Variants in HERC2 observed in about 807,000 individuals in gnomAD.
HERC2 encodes the protein HECT and RLD domain containing E3 ubiquitin protein ligase 2.
HERC2 carries 102 observed loss-of-function variants against 537.7 expected under a neutral mutation model. That is an observed-to-expected ratio of 0.19 (90% confidence interval 0.16 to 0.22). The LOEUF is 0.22. HERC2 is among the 10% of genes least tolerant of loss of function. The pLI is 1.00. For synonymous variants in HERC2, 2,224 were observed against 2,466.2 expected (o/e 0.90, Z 2.91); for missense variants, 4,236 against 6,198.2 (o/e 0.68, Z 10.63).
chr15:28,289,804 T>C (rs1273500158), intron 4 of HERC2, among the ~76,000 whole-genome samples: 3 of 152,196 alleles, frequency 2.0e-5, no homozygotes, highest in African/African-American at 7.2e-5. Context: ...TGCACATCCT[T>C]AATGCTCCTT....
chr15:28,181,977 C>T (rs908365566), intron 57 of HERC2, among the ~76,000 whole-genome samples: 2 of 152,186 alleles, frequency 1.3e-5, no homozygotes, highest in Non-Finnish European at 2.9e-5. Flanking sequence ...AAAGCGTTCT[C>T]TCTCTGTGCA....
chr15:28,306,307 T>TC (rs2076786523), intron 2 of HERC2, among the ~76,000 whole-genome samples: 1 of 152,258 alleles, frequency 6.6e-6, no homozygotes, highest in Admixed American at 6.5e-5. Flanking sequence ...AAATGCCTTT[T>TC]CAGCATGAAT....
In HERC2 at chr15:28,130,224, C is replaced by T. The variant is rs1234417207; in HGVS notation, c.12741G>A (p.Gln4247=). ...VRRPRQVQGL[Q]GKKVIAIATG... is the part of the protein sequence containing the mutation. ...TGGCGATGGCGATGACTTTCTTCCC[C>T]TGCAACCCTTGGACCTGCCGAGGCC... Residue 4247 remains glutamine (Q), a synonymous_variant, in exon 83 of 93, where the codon CAG becomes CAA. Coordinates refer to ENST00000261609, the MANE Select transcript of HERC2 (RefSeq NM_004667.6). The T allele has an allele frequency of 1.2e-6, 2 of 1,614,210 alleles. No homozygotes were observed. Among genetic ancestry groups the T allele is most frequent in the Non-Finnish European group, 1.7e-6 (2 of 1,180,048 alleles).
chr15:28,143,853 T>C lies in HERC2; in HGVS notation c.11418+20A>G, dbSNP rs373954015. 1.9e-4 allele frequency: 307 copies of C among 1,613,536 alleles called. 1 individual carries two copies. Among genetic ancestry groups the C allele is most frequent in the Non-Finnish European group, 4.3e-5 (51 of 1,179,908 alleles). ...CCCCAAGGGTCACAAATCTAGAAAT[T>C]GTACTAGAATGCTCCATACCAAAGC... On this transcript the variant is annotated intron_variant, in intron 74 of 92. Coordinates refer to ENST00000261609, the MANE Select transcript of HERC2 (RefSeq NM_004667.6).
intron 69 of HERC2, among the ~76,000 whole-genome samples, chr15:28,155,185 T>A (rs990972648): frequency 1.3e-5 from 2 of 152,124 alleles, no homozygotes; most frequent in Non-Finnish European, 2.9e-5. Context: ...TTTGGGTTAG[T>A]TCCAAGTCTT....
rs747882830 is a variant in HERC2 at position 28,229,563 on chromosome 15, C to G, written c.5017G>C (p.Asp1673His). 1.5e-5 allele frequency: 24 copies of G among 1,613,140 alleles called. No homozygotes were observed. The Admixed American group carries it at 3.8e-4, about 26-fold the overall frequency. The change falls in exon 33 of 93, where the codon GAT becomes CAT. Residue 1673 changes from aspartate (D) to histidine (H), a missense_variant. Physicochemically the swap from Asp to His is moderately conservative, Grantham distance 81. This residue lies in a region of HERC2 where 343 missense variants were observed against 417.2 expected (regional missense o/e 0.82). Transcript: ENST00000261609. Reference protein sequence around the residue: ...ERAEVRLEGIDTILKLASKNF... With the variant: ...ERAEVRLEGIHTILKLASKNF... ...TTGCTCGCCAGTTTTAAAATTGTAT[C>G]TATCCCTTCCAGGCGAACCTCTGCT...
At position 28,113,995 on chromosome 15, in the gene HERC2, G is replaced by A. The variant is rs746129827; in HGVS notation, c.13914-317C>T. Among the ~76,000 whole-genome samples the A allele has an allele frequency of 3.9e-5, 6 of 152,024 alleles. No individual in the cohort carries two copies. The highest frequency in any genetic ancestry group is 8.8e-5 in the Non-Finnish European group (6 of 68,036). On this transcript the variant is annotated intron_variant, in intron 90 of 92. Transcript: ENST00000261609. This position sits in a 1 kb window ranked among gnomAD's most constrained non-coding sequence, Gnocchi z 7.0. ...CAAGAGGGGAAACACATGTGCATCCGCCCCAGGCCCGAGACACTGTGCTGA... is the reference window on the plus strand; with the variant it reads ...CAAGAGGGGAAACACATGTGCATCCACCCCAGGCCCGAGACACTGTGCTGA...
At chr15:28,143,417 T>A (rs1270041839) in intron 74 of HERC2, among the ~76,000 whole-genome samples, 1 of 152,178 alleles carries the variant, frequency 6.6e-6, no homozygotes, top group Non-Finnish European at 1.5e-5. Context: ...ACGAGAAGTC[T>A]GGATGGGACA....
At chr15:28,188,172 G>C (rs1596165374) in intron 55 of HERC2, among the ~76,000 whole-genome samples, 1 of 152,176 alleles carries the variant, frequency 6.6e-6, no homozygotes. Context: ...AACATCATCT[G>C]AATCAGAAAC....
At chr15:28,166,126 A>C (rs1363078802) in intron 68 of HERC2, among the ~76,000 whole-genome samples, 1 of 152,154 alleles carries the variant, frequency 6.6e-6, no homozygotes, top group Admixed American at 6.5e-5. Flanking sequence ...TGCTTCACCA[A>C]CTCTTCTAAA....
Position 28,186,540 on chromosome 15 carries a change from G to C in HERC2, c.8825+37C>G, listed in dbSNP as rs199522451. ...GAAAGTGAGGATCCAGGAATGTAGC[G>C]GGAGGTAAGTGAGCACCTGTAACAA... On this transcript the variant is annotated intron_variant, in intron 56 of 92. Transcript: ENST00000261609. The C allele has an allele frequency of 1.9e-6, 3 of 1,556,388 alleles. No individual in the cohort carries two copies. In the East Asian group the frequency reaches 6.8e-5, roughly 35 times the overall value.
Position 28,186,708 on chromosome 15 carries a change from T to G in HERC2, c.8694A>C (p.Ser2898=). The G allele has an allele frequency of 6.2e-7, 1 of 1,614,122 alleles. No individual in the cohort carries two copies. Among genetic ancestry groups the G allele is most frequent in the Non-Finnish European group, 8.5e-7 (1 of 1,179,948 alleles). Reference sequence around the variant, plus strand: ...GACCATGGATTTTACAATCGATTCCTGAGCTCCTGCACTGCTTTATAGCAA... The same window carrying G: ...GACCATGGATTTTACAATCGATTCCGGAGCTCCTGCACTGCTTTATAGCAA... The part of the protein sequence containing the change: ...IEIAIKQCRS[S]GIDCKIHGLI... Residue 2898 remains serine (S), a synonymous_variant, in exon 56 of 93, where the codon TCA becomes TCC. Coordinates refer to ENST00000261609, the MANE Select transcript of HERC2 (RefSeq NM_004667.6).
At chr15:28,318,295 AAAC>A (rs1487414379) in intron 2 of HERC2, among the ~76,000 whole-genome samples, 1 of 152,100 alleles carries the variant, frequency 6.6e-6, no homozygotes, top group African/African-American at 2.4e-5. Flanking sequence ...CAGTGAAGGA[AAAC>A]ATGGTGATTC....
intron 44 of HERC2, among the ~76,000 whole-genome samples, chr15:28,208,032 G>A (rs2140390062): frequency 6.6e-6 from 1 of 152,272 alleles, no homozygotes; most frequent in African/African-American, 2.4e-5. Context: ...ACTGCTCATT[G>A]GGCTGAGTGC....
chr15:28,273,043 C>G (rs2075781006), intron 7 of HERC2, 39 bp from the exon 8 acceptor site: 1 of 1,417,916 alleles, frequency 7.1e-7, no homozygotes, highest in Non-Finnish European at 1.0e-6. Flanking sequence ...AAAGCAACCT[C>G]CAGAAAGACA....
At chr15:28,188,261 G>A (rs1454798411) in intron 55 of HERC2, among the ~76,000 whole-genome samples, 1 of 152,144 alleles carries the variant, frequency 6.6e-6, no homozygotes, top group East Asian at 1.9e-4. Flanking sequence ...AGTAATTATT[G>A]GCTGGGCACG....
At chr15:28,126,676 A>C (rs1889524293) in intron 83 of HERC2, among the ~76,000 whole-genome samples, 1 of 152,190 alleles carries the variant, frequency 6.6e-6, no homozygotes, top group Admixed American at 6.5e-5. Context: ...ATGCAACGGC[A>C]TAAGAATGAC....
chr15:28,129,016 A>G (rs550858689), intron 83 of HERC2, among the ~76,000 whole-genome samples: 19 of 152,266 alleles, frequency 1.2e-4, no homozygotes, highest in South Asian at 8.3e-4. Flanking sequence ...TTTCTGATCA[A>G]AGGGTCTGTG....
chr15:28,224,134 TACACACACACACACCC>T (rs887232172), intron 35 of HERC2, among the ~76,000 whole-genome samples: 4 of 5,758 alleles, frequency 6.9e-4, no homozygotes, highest in African/African-American at 9.5e-4. Context: ...TAAAAAATTA[TACACACACACACACCC>T]ACACACACAC....
Sources: gnomAD v4.1 joint callset for allele counts (sites outside exome capture counted in the v4.1 genomes callset) on GRCh38, gnomAD v4.1.1 for gene constraint, gnomAD v4.1.1 regional missense constraint, Gnocchi (gnomAD v3.1) non-coding constraint, MANE v1.5 for transcripts, NCBI Gene and HGNC (gene_info 2026-07-23, HGNC 2026-07-21) for gene names.